The following SYNE2 variants were observed in gnomAD, a reference collection of about 807,000 sequenced individuals.
The protein encoded by SYNE2 is spectrin repeat containing nuclear envelope protein 2.
SYNE2 carries 431 observed loss-of-function variants against 856.3 expected under a neutral mutation model. That is an observed-to-expected ratio of 0.50 (90% confidence interval 0.47 to 0.55). The LOEUF (loss-of-function observed/expected upper bound fraction) is 0.55, where lower values mean the gene tolerates loss of function less well. Among genes scored for constraint, SYNE2 ranks in the 20% least tolerant of loss-of-function variants. SYNE2 has a pLI of 0.00. For missense variants in SYNE2, 8,129 were observed against 8,023.2 expected, an observed-to-expected ratio of 1.01 and a Z score of -0.50; for synonymous variants, 2,923 against 2,872.3, an observed-to-expected ratio of 1.02 and a Z score of -0.56.
chr14:64,188,798 C>G (rs113940298), intron 98 of SYNE2, 90 bp downstream of exon 98: 1 of 1,359,564 alleles, frequency 7.4e-7, no homozygotes, highest in Non-Finnish European at 1.0e-6. Flanking sequence ...GGCAATGTTA[C>G]GGGTGTTTCC....
At chr14:63,929,274 G>A (rs1015024083) in intron 2 of SYNE2, among the ~76,000 whole-genome samples, 1 of 152,078 alleles carries the variant, frequency 6.6e-6, no homozygotes, top group Non-Finnish European at 1.5e-5. Context: ...TTTATGTGAT[G>A]AAGCCTCCAT....
intron 1 of SYNE2, among the ~76,000 whole-genome samples, chr14:63,879,259 T>C (rs1566689641): frequency 6.6e-6 from 1 of 152,230 alleles, no homozygotes; most frequent in Admixed American, 6.5e-5. Flanking sequence ...TAAAAATCTT[T>C]TTTTGTTTTT....
rs1359099818 is a variant in SYNE2, at chr14:63,860,859, A to G, written c.-52+7716A>G. 2.6e-5 allele frequency among the ~76,000 whole-genome samples: 4 copies of G among 152,202 alleles called. No individual in the cohort carries two copies. The East Asian group carries it at 5.8e-4, about 22-fold the overall frequency. ...CCCATAAGCAGAGGAACATGCAATCAGTGGGGTAATTGGTAGTCACTGCAG... is the reference window on the plus strand; with the variant it reads ...CCCATAAGCAGAGGAACATGCAATCGGTGGGGTAATTGGTAGTCACTGCAG... On this transcript the variant is annotated intron_variant, in intron 1 of 115. Coordinates refer to ENST00000555002, the MANE Select transcript of SYNE2 (RefSeq NM_182914.3).
intron 49 of SYNE2, among the ~76,000 whole-genome samples, chr14:64,056,700 C>T (rs188780203): frequency 1.3e-4 from 19 of 149,690 alleles, no homozygotes; most frequent in Admixed American, 1.1e-3. Context: ...GACAAAGTTT[C>T]GCTTTTGTTG....
chr14:63,871,427 C>T (rs534110107), intron 1 of SYNE2, among the ~76,000 whole-genome samples: 16 of 151,992 alleles, frequency 1.1e-4, no homozygotes, highest in African/African-American at 3.9e-4. Flanking sequence ...AGGCTGGTCT[C>T]GAACTCCCAA....
rs1388503136 is a variant in SYNE2 at position 64,159,863 on chromosome 14, C to A, written c.16094+421C>A. On this transcript the variant is annotated intron_variant, in intron 87 of 115. Coordinates refer to ENST00000555002, the MANE Select transcript of SYNE2 (RefSeq NM_182914.3). Reference sequence around the variant, plus strand: ...ATGTTAGAGTATCTGTTGCGGAGGGCATTTGTGGGTTTGGAAGGAATTCTT... The same window carrying A: ...ATGTTAGAGTATCTGTTGCGGAGGGAATTTGTGGGTTTGGAAGGAATTCTT... Among the ~76,000 whole-genome samples the A allele has an allele frequency of 4.6e-5, 7 of 152,164 alleles. No individual in the cohort carries two copies. In the South Asian group the frequency reaches 1.0e-3, roughly 23 times the overall value.
At chr14:64,160,621 C>G (rs1321718455) in intron 87 of SYNE2, among the ~76,000 whole-genome samples, 2 of 152,084 alleles carry the variant, frequency 1.3e-5, no homozygotes, top group African/African-American at 4.8e-5. Flanking sequence ...TATTTTCCAC[C>G]TTTGATTCTT....
chr14:64,016,731 G>C (rs1396588335), intron 33 of SYNE2, 100 bp downstream of exon 33: 2 of 834,374 alleles, frequency 2.4e-6, no homozygotes, highest in African/African-American at 3.5e-5. Context: ...AATACTCATT[G>C]TAAAAATGTT....
intron 2 of SYNE2, among the ~76,000 whole-genome samples, chr14:63,924,548 TAGTTTTCATTGAATAAGTCTTGC>T (rs1318923200): frequency 6.6e-6 from 1 of 152,238 alleles, no homozygotes; most frequent in Non-Finnish European, 1.5e-5. Flanking sequence ...CAATGTTTTG[TAGTTTTCATTGAATAAGTCTTGC>T]AGTTCTTTTG....
intron 51 of SYNE2, among the ~76,000 whole-genome samples, 161 bp downstream of exon 51, chr14:64,065,811 T>C (rs1327667627): frequency 6.6e-6 from 1 of 152,256 alleles, no homozygotes; most frequent in African/African-American, 2.4e-5. Context: ...TCAGGCCTTA[T>C]TAAGATAACC....
At chr14:63,919,775 G>A (rs1292942181) in intron 2 of SYNE2, among the ~76,000 whole-genome samples, 1 of 152,132 alleles carries the variant, frequency 6.6e-6, no homozygotes, top group African/African-American at 2.4e-5. Context: ...GTACAGAGAG[G>A]AGCCCACTGG....
At chr14:63,826,829 G>A (rs943894611) in intron 1 of SYNE2, among the ~76,000 whole-genome samples, 8 of 152,096 alleles carry the variant, frequency 5.3e-5, no homozygotes, top group African/African-American at 1.9e-4. Context: ...ATAAGCACAA[G>A]CTATAAAATA....
intron 2 of SYNE2, among the ~76,000 whole-genome samples, chr14:63,912,033 CT>C (rs149783964): frequency 0.01 from 1,533 of 152,220 alleles, 29 homozygotes; most frequent in African/African-American, 0.035. Flanking sequence ...ACACTGCTGT[CT>C]TAGGGGGACT....
chr14:64,097,852 GAAA>G, intron 61 of SYNE2, 94 bp from the exon 62 acceptor site: 1 of 1,257,512 alleles, frequency 8.0e-7, no homozygotes, highest in Non-Finnish European at 1.2e-6. Context: ...AAATAGCAAA[GAAA>G]AATCTTCAGC....
rs547515689 is a variant in SYNE2 at position 63,994,477 on chromosome 14, C to T, written c.2781+508C>T. Among the ~76,000 whole-genome samples, 41 of 152,250 alleles carry T rather than the reference C, an allele frequency of 2.7e-4. 1 individual carries two copies. Among genetic ancestry groups the T allele is most frequent in the Admixed American group, 2.1e-3 (32 of 15,288 alleles). ...TTACTTTAGAATAGTTTTAGATTTA[C>T]GGAATTACTGTAAAGATGGTGCAGA... On this transcript the variant is annotated intron_variant, in intron 22 of 115. Transcript: ENST00000555002.
Position 64,163,034 on chromosome 14 carries a change from T to C in SYNE2, c.16300-368T>C, listed in dbSNP as rs141147811. On this transcript the variant is annotated intron_variant, in intron 88 of 115. Transcript: ENST00000555002. Reference sequence around the variant, plus strand: ...GTGAATCCATTTATATCAGAAAGTCTCAGGCAGGGGTCAGAGTTGCATTGA... The same window carrying C: ...GTGAATCCATTTATATCAGAAAGTCCCAGGCAGGGGTCAGAGTTGCATTGA... 4.5e-3 allele frequency among the ~76,000 whole-genome samples: 690 copies of C among 152,366 alleles called. 17 individuals are homozygous for C. In the East Asian group the frequency reaches 0.07, roughly 16 times the overall value.
intron 39 of SYNE2, 99 bp from the exon 40 acceptor site, chr14:64,024,813 A>G: frequency 7.9e-7 from 1 of 1,261,748 alleles, no homozygotes; most frequent in Admixed American, 1.9e-5. Flanking sequence ...CAAACATATT[A>G]TAAAAACCTG....
chr14:63,862,375 C>T (rs951249), intron 1 of SYNE2, among the ~76,000 whole-genome samples: 64,747 of 152,022 alleles, frequency 0.43, 15,861 homozygotes, highest in South Asian at 0.58. Flanking sequence ...CCCTGACCTC[C>T]TTGGCTCAAG....
chr14:64,075,407 A>G (rs1289514979), intron 53 of SYNE2, among the ~76,000 whole-genome samples: 2 of 152,176 alleles, frequency 1.3e-5, no homozygotes, highest in African/African-American at 2.4e-5. Flanking sequence ...AAAAACCTAC[A>G]TTCTTTGTAT....
Sources: allele counts gnomAD v4.1 joint callset (sites outside exome capture counted in the v4.1 genomes callset), GRCh38; gene constraint gnomAD v4.1.1; transcripts MANE v1.5; gene names NCBI Gene and HGNC (gene_info 2026-07-23, HGNC 2026-07-21).